Variants in SELE observed in about 807,000 individuals in gnomAD.
SELE encodes E-selectin.
In SELE, 52 loss-of-function variants were observed where a neutral mutation model predicts 75.8. The observed-to-expected ratio is 0.69, with a 90% CI of 0.55 to 0.86. SELE has a LOEUF of 0.86. Among genes scored for constraint, SELE ranks in the 40% least tolerant of loss-of-function variants. The pLI, the probability that SELE is intolerant of heterozygous loss-of-function variation, is 0.00. For missense variants in SELE, 754 were observed against 732.7 expected (o/e 1.03, Z -0.34); for synonymous variants, 285 against 258.7 (o/e 1.10, Z -0.98).
chr1:169,727,736 T>C lies in SELE; in HGVS notation c.1468+3A>G. Reference sequence around the variant, plus strand: ...CCCTAAAAAAGTCTGCACTCAATTCTACCTTGGCAGGAAGGAACCTCTTCT... The same window carrying C: ...CCCTAAAAAAGTCTGCACTCAATTCCACCTTGGCAGGAAGGAACCTCTTCT... On this transcript the variant is annotated splice_donor_region_variant and intron_variant, in intron 9 of 13. Coordinates refer to ENST00000333360, the MANE Select transcript of SELE (RefSeq NM_000450.2). The C allele has an allele frequency of 6.2e-7, 1 of 1,613,238 alleles. No homozygotes were observed. Among genetic ancestry groups the C allele is most frequent in the Non-Finnish European group, 8.5e-7 (1 of 1,179,450 alleles).
In SELE at chr1:169,729,365, C is replaced by T; in HGVS notation, c.911G>A (p.Cys304Tyr). The T allele has an allele frequency of 6.2e-7, 1 of 1,613,664 alleles. No individual in the cohort carries two copies. Among genetic ancestry groups the T allele is most frequent in the Non-Finnish European group, 8.5e-7 (1 of 1,179,786 alleles). Residue 304 changes from cysteine (C) to tyrosine (Y), a missense_variant, in exon 7 of 14, where the codon TGC (cysteine) becomes TAC (tyrosine). Transcript: ENST00000333360. Reference protein sequence around the residue: ...NEKPTCKAVTCRAVRQPQNGS... With the variant: ...NEKPTCKAVTYRAVRQPQNGS... Reference sequence around the variant, plus strand: ...ATTCTGAGGCTGGCGGACGGCCCTGCATGTCACAGCTGTAACAAATATACG... The same window carrying T: ...ATTCTGAGGCTGGCGGACGGCCCTGTATGTCACAGCTGTAACAAATATACG...
At position 169,729,210 on chromosome 1, in the gene SELE, T is replaced by G. The variant is rs201478588; in HGVS notation, c.1066A>C (p.Thr356Pro). The change falls in exon 7 of 14, where the codon ACA (threonine) becomes CCA (proline). Residue 356 changes from threonine to proline, a missense_variant. Thr to Pro is a conservative substitution (Grantham distance 38). Transcript: ENST00000333360. ...CCTTCACAAACTGGGATTTGCTGTGTCCACTGCCCTTGAGTGGTGCATTCA... is the reference window on the plus strand; with the variant it reads ...CCTTCACAAACTGGGATTTGCTGTGGCCACTGCCCTTGAGTGGTGCATTCA... ...QVECTTQGQW[T>P]QQIPVCEAFQ... 1 of 1,612,794 alleles carries G rather than the reference T, an allele frequency of 6.2e-7. No homozygotes were observed. Among genetic ancestry groups the G allele is most frequent in the African/African-American group, 1.3e-5 (1 of 75,008 alleles).
rs371839381 is a variant in SELE at position 169,726,740 on chromosome 1, A to G, written c.1712T>C (p.Leu571Ser). The G allele has an allele frequency of 3.1e-6, 5 of 1,613,746 alleles. No homozygotes were observed. In the African/African-American group the frequency reaches 5.3e-5, roughly 17 times the overall value. The stretch of plus-strand genomic sequence containing the variant: ...CCGAAGCCAGAGGAGAAATGGTGCT[A>G]ATGTCAGGAGGGAGAGTCCAGCAGC... ...LSAAGLSLLT[L>S]APFLLWLRKC... The change falls in exon 11 of 14, where the codon TTA (leucine) becomes TCA (serine). Residue 571 changes from leucine to serine, a missense_variant. Coordinates refer to ENST00000333360, the MANE Select transcript of SELE (RefSeq NM_000450.2).
chr1:169,731,434 C>G (rs1402604605), intron 4 of SELE: 1 of 168,962 alleles, frequency 5.9e-6, no homozygotes, highest in Non-Finnish European at 1.3e-5. Flanking sequence ...ACCCTGGACT[C>G]TGTAACTCAC....
In SELE at chr1:169,725,887, T is replaced by C. The variant is rs1174311454; in HGVS notation, c.1775+20A>G. The C allele has an allele frequency of 6.2e-7, 1 of 1,613,918 alleles. No individual in the cohort carries two copies. Among genetic ancestry groups the C allele is most frequent in the Non-Finnish European group, 8.5e-7 (1 of 1,179,836 alleles). On this transcript the variant is annotated intron_variant, in intron 12 of 13. Transcript: ENST00000333360. Reference sequence around the variant, plus strand: ...ATGTGGAATGTTCAATGGCATGCTTTGTATAAGAATGCAACTTACCTGGCA... The same window carrying C: ...ATGTGGAATGTTCAATGGCATGCTTCGTATAAGAATGCAACTTACCTGGCA...
chr1:169,728,162 G>A lies in SELE; in HGVS notation c.1175C>T (p.Ser392Phe), dbSNP rs751608810. Residue 392 changes from serine (S) to phenylalanine (F), a missense_variant, in exon 8 of 14, where the codon TCC becomes TTC. Physicochemically the swap from Ser to Phe is radical, Grantham distance 155. Coordinates refer to ENST00000333360, the MANE Select transcript of SELE (RefSeq NM_000450.2). ...CTGCTCACAGGAGAACTCACAGCTG[G>A]ACCCATAACGGAAACTGCCAGAAGC... ...PSASGSFRYGSSCEFSCEQGF... is the reference protein window; with the variant it reads ...PSASGSFRYGFSCEFSCEQGF... 1 of 1,614,172 alleles carries A rather than the reference G, an allele frequency of 6.2e-7. No homozygotes were observed. The highest frequency in any genetic ancestry group is 8.5e-7 in the Non-Finnish European group (1 of 1,180,020).
chr1:169,728,110 C>T lies in SELE; in HGVS notation c.1227G>A (p.Arg409=). The part of the protein sequence containing the change: ...EQGFVLKGSK[R]LQCGPTGEWD... Reference sequence around the variant, plus strand: ...ACTCCCCTGTGGGGCCACATTGGAGCCTTTTGGATCCCTTCAACACAAAAC... The same window carrying T: ...ACTCCCCTGTGGGGCCACATTGGAGTCTTTTGGATCCCTTCAACACAAAAC... Residue 409 remains arginine, a synonymous_variant, in exon 8 of 14, where the codon AGG becomes AGA. Coordinates refer to ENST00000333360, the MANE Select transcript of SELE (RefSeq NM_000450.2). 6.2e-7 allele frequency: 1 copy of T among 1,614,190 alleles called. No individual in the cohort carries two copies.
chr1:169,727,719 A>G lies in SELE; in HGVS notation c.1468+20T>C, dbSNP rs749341951. The G allele has an allele frequency of 6.2e-7, 1 of 1,609,712 alleles. No homozygotes were observed. Among genetic ancestry groups the G allele is most frequent in the East Asian group, 2.2e-5 (1 of 44,816 alleles). ...GAAGTATTTGACCTGTACCCTAAAA[A>G]AGTCTGCACTCAATTCTACCTTGGC... On this transcript the variant is annotated intron_variant, in intron 9 of 13. Transcript: ENST00000333360.
At position 169,731,887 on chromosome 1, in the gene SELE, A is replaced by T; in HGVS notation, c.477T>A (p.Asn159Lys). Residue 159 changes from asparagine (N) to lysine (K), a missense_variant, in exon 4 of 14, where the codon AAT becomes AAA. By Grantham distance (94) the Asn-to-Lys change is moderately conservative. Transcript: ENST00000333360. ...CAGGGTCACACTTGCAAGTGTAATT[A>T]TTGATGGTCTCTACACATTCACCGT... ...SGHGECVETI[N>K]NYTCKCDPGF... 6.2e-7 allele frequency: 1 copy of T among 1,613,892 alleles called. No individual in the cohort carries two copies. The highest frequency in any genetic ancestry group is 8.5e-7 in the Non-Finnish European group (1 of 1,179,810).
rs1184472642 is a variant in SELE at position 169,730,557 on chromosome 1, A to G, written c.590T>C (p.Leu197Pro). Reference sequence around the variant, plus strand: ...GGAAGAATTGTAGCTGAAGTTTCCCAGTGGGTGACTGCAAACCAGGCTTCC... The same window carrying G: ...GGAAGAATTGTAGCTGAAGTTTCCCGGTGGGTGACTGCAAACCAGGCTTCC... ...EHGSLVCSHP[L>P]GNFSYNSSCS... Residue 197 changes from leucine to proline, a missense_variant, in exon 5 of 14, where the codon CTG becomes CCG. By Grantham distance (98) the Leu-to-Pro change is moderately conservative. Coordinates refer to ENST00000333360, the MANE Select transcript of SELE (RefSeq NM_000450.2). The G allele has an allele frequency of 7.4e-6, 12 of 1,614,048 alleles. No homozygotes were observed. The highest frequency in any genetic ancestry group is 9.3e-6 in the Non-Finnish European group (11 of 1,179,964).
rs1173228950 is a variant in SELE at position 169,731,947 on chromosome 1, G to A, written c.422-5C>T. On this transcript the variant is annotated splice_region_variant and splice_polypyrimidine_tract_variant and intron_variant, in intron 3 of 13. Coordinates refer to ENST00000333360, the MANE Select transcript of SELE (RefSeq NM_000450.2). ...AGGATGTATTGGTACAGGCAGCTAC[G>A]GAAAATACAAAGCATGATGAGGAGG... The A allele has an allele frequency of 8.2e-6, 13 of 1,590,744 alleles. No homozygotes were observed. The highest frequency in any genetic ancestry group is 1.7e-4 in the Middle Eastern group (1 of 6,032).
Position 169,729,607 on chromosome 1 carries a change from C to A in SELE, c.782G>T (p.Ser261Ile), listed in dbSNP as rs1307536171. Reference sequence around the variant, plus strand: ...TGTACAGGTTGTGTTCCATGGGAAGCTTCCAGGGTTTTGGAAACATTCCAC... The same window carrying A: ...TGTACAGGTTGTGTTCCATGGGAAGATTCCAGGGTTTTGGAAACATTCCAC... ...GFVECFQNPG[S>I]FPWNTTCTFD... Residue 261 changes from serine (S) to isoleucine (I), a missense_variant, in exon 6 of 14, where the codon AGC (serine) becomes ATC (isoleucine). Physicochemically the swap from Ser to Ile is moderately radical, Grantham distance 142. Transcript: ENST00000333360. 1 of 1,614,054 alleles carries A rather than the reference C, an allele frequency of 6.2e-7. No individual in the cohort carries two copies. Among genetic ancestry groups the A allele is most frequent in the African/African-American group, 1.3e-5 (1 of 74,924 alleles).
At chr1:169,728,482 A>G (rs1020661972) in intron 7 of SELE, among the ~76,000 whole-genome samples, 2 of 152,246 alleles carry the variant, frequency 1.3e-5, no homozygotes, top group Admixed American at 6.5e-5. Flanking sequence ...CTGTTCTTCT[A>G]ACACACAAAA....
intron 2 of SELE, 25 bp from the exon 3 acceptor site, chr1:169,733,023 T>A (rs762299382): frequency 9.8e-6 from 15 of 1,528,664 alleles, no homozygotes; most frequent in Non-Finnish European, 3.5e-6. Flanking sequence ...AGAAAAGAAA[T>A]GGTAGAGTTT....
chr1:169,731,159 G>A (rs1448224425), intron 4 of SELE, among the ~76,000 whole-genome samples: 1 of 152,160 alleles, frequency 6.6e-6, no homozygotes, highest in Admixed American at 6.6e-5. Flanking sequence ...TTAAAATTCA[G>A]TTCCTCAGTG....
chr1:169,729,123 A>C, intron 7 of SELE, 63 bp downstream of exon 7: 1 of 1,431,670 alleles, frequency 7.0e-7, no homozygotes, highest in Non-Finnish European at 9.4e-7. Flanking sequence ...TTTTTTTTTC[A>C]CTGTCCAAGT....
Position 169,732,033 on chromosome 1 carries a change from C to G in SELE, c.422-91G>C, listed in dbSNP as rs999393884. The G allele has an allele frequency of 1.3e-5, 10 of 776,046 alleles. No individual in the cohort carries two copies. The Admixed American group carries it at 2.1e-4, about 17-fold the overall frequency. 48.1% of individuals were successfully genotyped at this position (776,046 alleles called of 1,614,324 possible). A position where few individuals can be genotyped will look rare whatever the true frequency, so the allele number is the denominator to read the frequency against. Reference sequence around the variant, plus strand: ...TAGAATCAACAGTGTGCAACAGAGACATCAGCAGTCCTACAGAGTGCCATA... The same window carrying G: ...TAGAATCAACAGTGTGCAACAGAGAGATCAGCAGTCCTACAGAGTGCCATA... On this transcript the variant is annotated intron_variant, in intron 3 of 13. Transcript: ENST00000333360.
chr1:169,725,673 C>G, intron 13 of SELE, 56 bp downstream of exon 13: 1 of 1,450,682 alleles, frequency 6.9e-7, no homozygotes, highest in South Asian at 1.2e-5. Context: ...CAAGGAGAAA[C>G]AGAGCATGTA....
At position 169,729,543 on chromosome 1, in the gene SELE, C is replaced by T. The variant is rs752309986; in HGVS notation, c.846G>A (p.Gln282=). Residue 282 remains glutamine (Q), a synonymous_variant, in exon 6 of 14, where the codon CAG becomes CAA. Transcript: ENST00000333360. Reference sequence around the variant, plus strand: ...TCCCAGATGAGGTACACTGAAGGCTCTGGGCTCCCATTAGTTCAAATCCTT... The same window carrying T: ...TCCCAGATGAGGTACACTGAAGGCTTTGGGCTCCCATTAGTTCAAATCCTT... ...CEEGFELMGA[Q]SLQCTSSGNW... 3 of 1,614,038 alleles carry T rather than the reference C, an allele frequency of 1.9e-6. No homozygotes were observed. Among genetic ancestry groups the T allele is most frequent in the East Asian group, 2.2e-5 (1 of 44,900 alleles).
Sources: allele counts gnomAD v4.1 joint callset (sites outside exome capture counted in the v4.1 genomes callset), GRCh38; gene constraint gnomAD v4.1.1; transcripts MANE v1.5; gene names NCBI Gene and HGNC (gene_info 2026-07-23, HGNC 2026-07-21).